The following NPR1 variants were observed in gnomAD, a reference collection of about 807,000 sequenced individuals.
The protein encoded by NPR1 is natriuretic peptide receptor 1.
In NPR1, 57 loss-of-function variants were observed where a neutral mutation model predicts 116.9. The ratio of observed to expected loss-of-function variants is 0.49; its 90% CI spans 0.39 to 0.61. NPR1 has a LOEUF of 0.61. Among genes scored for constraint, NPR1 ranks in the 20% least tolerant of loss-of-function variants. The pLI, the probability that NPR1 is intolerant of heterozygous loss-of-function variation, is 0.00. For synonymous variants in NPR1, 555 were observed against 601.6 expected (o/e 0.92, Z 1.13); for missense variants, 1,096 against 1,409.8 (o/e 0.78, Z 3.56).
intron 8 of NPR1, 53 bp from the exon 9 acceptor site, chr1:153,685,753 G>T (rs777390904): frequency 7.4e-7 from 1 of 1,354,976 alleles, no homozygotes; most frequent in Non-Finnish European, 1.1e-6. Context: ...AAGCAATCAG[G>T]ATGCAGACTG....
rs377107129 is a variant in NPR1 at position 153,681,734 on chromosome 1, G to A, written c.1066G>A (p.Gly356Arg). The A allele has an allele frequency of 3.1e-6, 5 of 1,613,838 alleles. No individual in the cohort carries two copies. The highest frequency in any genetic ancestry group is 3.4e-6 in the Non-Finnish European group (4 of 1,179,970). The part of the protein sequence containing the change: ...VNTIPASFHD[G>R]LLLYIQAVTE... ...CACCATCCCAGCATCCTTCCACGAC[G>A]GGCTCCTGCTCTATATCCAGGCAGT... The change falls in exon 4 of 22, where the codon GGG (glycine) becomes AGG (arginine). Residue 356 changes from glycine to arginine, a missense_variant. Gly to Arg is a moderately radical substitution (Grantham distance 125). Coordinates refer to ENST00000368680, the MANE Select transcript of NPR1 (RefSeq NM_000906.4).
intron 5 of NPR1, 77 bp downstream of exon 5, chr1:153,682,666 C>G (rs766752257): frequency 2.8e-6 from 3 of 1,083,798 alleles, no homozygotes; most frequent in Non-Finnish European, 4.2e-6. Flanking sequence ...ACAGCCCTGC[C>G]AGGGCACCTG....
At chr1:153,684,089 A>G (rs960896869) in intron 7 of NPR1, among the ~76,000 whole-genome samples, 15 of 152,280 alleles carry the variant, frequency 9.9e-5, no homozygotes, top group Admixed American at 8.5e-4. Context: ...GTGACATCAT[A>G]GGGGCGTGGA....
At chr1:153,681,425 G>C (rs1669777916) in intron 3 of NPR1, 132 bp downstream of exon 3, 1 of 668,100 alleles carries the variant, frequency 1.5e-6, no homozygotes, top group East Asian at 2.7e-5. Flanking sequence ...CATGTTTCTC[G>C]TGATGATGGA....
chr1:153,686,906 A>G, intron 11 of NPR1, 110 bp from the exon 12 acceptor site: 2 of 1,327,202 alleles, frequency 1.5e-6, no homozygotes, highest in South Asian at 2.4e-5. Context: ...ACTAGAGTCA[A>G]TCCAAAGTTT....
Position 153,678,921 on chromosome 1 carries a change from C to T in NPR1, c.-188C>T, listed in dbSNP as rs75277373. On this transcript the variant is annotated 5_prime_UTR_variant, in exon 1 of 22. Coordinates refer to ENST00000368680, the MANE Select transcript of NPR1 (RefSeq NM_000906.4). The surrounding 1 kb of genome is among the most constrained non-coding windows in gnomAD (Gnocchi z 5.8). The stretch of plus-strand genomic sequence containing the variant: ...GCGCCCTGCGCGCCCCCCTCGGTCG[C>T]GCCCCTTGCGCTCTCGGCCCAGACC... 4,014 of 768,362 alleles carry T rather than the reference C, an allele frequency of 5.2e-3. 135 individuals carry two copies. The African/African-American group carries it at 0.066, about 13-fold the overall frequency. 47.6% of individuals were successfully genotyped at this position (768,362 alleles called of 1,614,324 possible). A position where few individuals can be genotyped will look rare whatever the true frequency, so the allele number is the denominator to read the frequency against.
Position 153,679,929 on chromosome 1 carries a change from T to TG in NPR1, c.721+100_721+101insG. 1 of 1,421,678 alleles carries TG rather than the reference T, an allele frequency of 7.0e-7. No individual in the cohort carries two copies. Among genetic ancestry groups the TG allele is most frequent in the African/African-American group, 1.5e-5 (1 of 68,724 alleles). 88.1% of individuals were successfully genotyped at this position (1,421,678 alleles called of 1,614,324 possible). A position where few individuals can be genotyped will look rare whatever the true frequency, so the allele number is the denominator to read the frequency against. On this transcript the variant is annotated intron_variant, in intron 1 of 21. Coordinates refer to ENST00000368680, the MANE Select transcript of NPR1 (RefSeq NM_000906.4). The surrounding 1 kb of genome is among the most constrained non-coding windows in gnomAD (Gnocchi z 4.2). ...TTTCTCTCTCATCTGGGGGCACTCT[T>TG]CTTTCTCCTCGCCGTTCTTCATTCT...
At position 153,682,530 on chromosome 1, in the gene NPR1, G is replaced by A; in HGVS notation, c.1204G>A (p.Gly402Ser). Reference sequence around the variant, plus strand: ...AGGATACCTGAAAATTGATAGCAGTGGCGATCGGGAAACAGACTTCTCCCT... The same window carrying A: ...AGGATACCTGAAAATTGATAGCAGTAGCGATCGGGAAACAGACTTCTCCCT... ...VTGYLKIDSSGDRETDFSLWD... is the reference protein window; with the variant it reads ...VTGYLKIDSSSDRETDFSLWD... Residue 402 changes from glycine to serine, a missense_variant, in exon 5 of 22, where the codon GGC becomes AGC. Transcript: ENST00000368680. 1 of 1,614,074 alleles carries A rather than the reference G, an allele frequency of 6.2e-7. No homozygotes were observed. The highest frequency in any genetic ancestry group is 8.5e-7 in the Non-Finnish European group (1 of 1,179,946).
In NPR1 at chr1:153,689,128, C is replaced by G. The variant is rs1670017427; in HGVS notation, c.2564+29C>G. The G allele has an allele frequency of 6.2e-7, 1 of 1,614,010 alleles. No homozygotes were observed. The highest frequency in any genetic ancestry group is 8.5e-7 in the Non-Finnish European group (1 of 1,179,986). On this transcript the variant is annotated intron_variant, in intron 16 of 21. Transcript: ENST00000368680. This position sits in a 1 kb window ranked among gnomAD's most constrained non-coding sequence, Gnocchi z 5.1. ...AGTGCCTGAGTCTGGGGACCCCCCC[C>G]AACACAAAGCCCCTGTCCCGACCCC...
intron 10 of NPR1, 59 bp downstream of exon 10, chr1:153,686,259 C>A: frequency 6.6e-7 from 1 of 1,504,604 alleles, no homozygotes; most frequent in Non-Finnish European, 9.2e-7. Context: ...GCAAGGGAGA[C>A]TGGCCAACAG....
chr1:153,681,767 A>G lies in NPR1; in HGVS notation c.1099A>G (p.Thr367Ala). ...LLLYIQAVTE[T>A]LAHGGTVTDG... is the part of the protein sequence containing the mutation. ...GCTCTATATCCAGGCAGTGACGGAG[A>G]CTCTGGCACATGGGGGAACTGTTAC... Residue 367 changes from threonine (T) to alanine (A), a missense_variant, in exon 4 of 22, where the codon ACT (threonine) becomes GCT (alanine). Transcript: ENST00000368680. 1 of 1,613,766 alleles carries G rather than the reference A, an allele frequency of 6.2e-7. No individual in the cohort carries two copies. The highest frequency in any genetic ancestry group is 1.7e-5 in the Admixed American group (1 of 59,964).
rs369585070 is a variant in NPR1, at chr1:153,687,623, C to T, written c.2093-11C>T. The T allele has an allele frequency of 2.2e-5, 34 of 1,572,792 alleles. No individual in the cohort carries two copies. The highest frequency in any genetic ancestry group is 5.4e-5 in the Admixed American group (3 of 55,776). ...TCCCTCACTCGGTGACTACCGACCT[C>T]TGACCCACAGAAAAGCTGTGGACGG... On this transcript the variant is annotated splice_polypyrimidine_tract_variant and intron_variant, in intron 13 of 21. Coordinates refer to ENST00000368680, the MANE Select transcript of NPR1 (RefSeq NM_000906.4).
intron 13 of NPR1, 100 bp from the exon 14 acceptor site, chr1:153,687,534 C>G (rs1191682785): frequency 6.7e-7 from 1 of 1,487,244 alleles, no homozygotes; most frequent in South Asian, 1.3e-5. Context: ...CTCTAACACT[C>G]TGTGATGCAT....
chr1:153,691,123 T>C (rs1670099122), intron 20 of NPR1, among the ~76,000 whole-genome samples: 1 of 152,034 alleles, frequency 6.6e-6, no homozygotes, highest in East Asian at 1.9e-4. Context: ...AAAAAATCTA[T>C]CTCACAGGAA....
At chr1:153,685,221 T>C in intron 8 of NPR1, 137 bp downstream of exon 8, 2 of 1,183,374 alleles carry the variant, frequency 1.7e-6, no homozygotes, top group South Asian at 1.6e-5. Flanking sequence ...GAGCGACTCA[T>C]AGTCCCTCTC....
Position 153,689,663 on chromosome 1 carries a change from A to T in NPR1, c.2757+142A>T. ...AGACAGTGACACAGGGAGACCCGGG[A>T]ACAGGCAGAGAACCCATGTGGGATG... On this transcript the variant is annotated intron_variant, in intron 18 of 21. Transcript: ENST00000368680. The surrounding 1 kb of genome is among the most constrained non-coding windows in gnomAD (Gnocchi z 5.1). 8.3e-7 allele frequency: 1 copy of T among 1,210,664 alleles called. No individual in the cohort carries two copies. Among genetic ancestry groups the T allele is most frequent in the Non-Finnish European group, 1.2e-6 (1 of 852,506 alleles). 75.0% of individuals were successfully genotyped at this position (1,210,664 alleles called of 1,614,324 possible).
rs1414060248 is a variant in NPR1 at position 153,682,492 on chromosome 1, C to T, written c.1172-6C>T. On this transcript the variant is annotated splice_region_variant and splice_polypyrimidine_tract_variant and intron_variant, in intron 4 of 21. Coordinates refer to ENST00000368680, the MANE Select transcript of NPR1 (RefSeq NM_000906.4). ...CAAACATAGTCATCTTCCCCCATGT[C>T]CTCAGGTGTGACAGGATACCTGAAA... 2 of 1,607,612 alleles carry T rather than the reference C, an allele frequency of 1.2e-6. No homozygotes were observed. The highest frequency in any genetic ancestry group is 8.5e-7 in the Non-Finnish European group (1 of 1,174,032).
At position 153,687,170 on chromosome 1, in the gene NPR1, GCCAATACCTCTGC is replaced by G. The variant is rs1223669342; in HGVS notation, c.1936-26_1936-14del. The G allele has an allele frequency of 3.0e-5, 48 of 1,613,952 alleles. No homozygotes were observed. The highest frequency in any genetic ancestry group is 3.6e-5 in the Non-Finnish European group (42 of 1,179,958). On this transcript the variant is annotated splice_polypyrimidine_tract_variant and intron_variant, in intron 12 of 21. Transcript: ENST00000368680. ...GCCACGGGTGTAGGTCCCACTCCTG[GCCAATACCTCTGC>G]CCACTCACATTTCCAGGGCATGCTG...
rs201746049 is a variant in NPR1 at position 153,683,740 on chromosome 1, A to G, written c.1400A>G (p.Asp467Gly). 68 of 1,614,086 alleles carry G rather than the reference A, an allele frequency of 4.2e-5. No homozygotes were observed. The highest frequency in any genetic ancestry group is 5.4e-5 in the Non-Finnish European group (64 of 1,179,978). Residue 467 changes from aspartate to glycine, a missense_variant and splice_region_variant, in exon 7 of 22, where the codon GAT (aspartate) becomes GGT (glycine). Physicochemically the swap from Asp to Gly is moderately conservative, Grantham distance 94. Transcript: ENST00000368680. ...FDNEDPACNQDHLSTLEVLAL... is the reference protein window; with the variant it reads ...FDNEDPACNQGHLSTLEVLAL... ...CTGCAATATGGACTCTCTCCTGCAG[A>G]TCACCTTTCCACCCTGGAGGTGCTG... is the stretch of plus-strand genomic sequence containing the variant.
Sources: allele counts gnomAD v4.1 joint callset (sites outside exome capture counted in the v4.1 genomes callset), GRCh38; gene constraint gnomAD v4.1.1; non-coding constraint Gnocchi (gnomAD v3.1); transcripts MANE v1.5; gene names NCBI Gene and HGNC (gene_info 2026-07-23, HGNC 2026-07-21).